Variants in TXLNG observed in about 807,000 individuals in gnomAD.
TXLNG encodes the protein gamma-taxilin.
A neutral mutation model predicts 38.8 loss-of-function variants in TXLNG; 5 were observed. That is an observed-to-expected ratio of 0.13 (90% CI 0.07 to 0.27). TXLNG has a LOEUF of 0.27. TXLNG is among the 10% of genes least tolerant of loss of function. TXLNG has a pLI of 1.00. For synonymous variants in TXLNG, 182 were observed against 158.2 expected, an observed-to-expected ratio of 1.15 and a Z score of -1.13; for missense variants, 393 against 398.2, an observed-to-expected ratio of 0.99 and a Z score of 0.11.
At position 16,844,085 on chromosome X, in the gene TXLNG, T is replaced by A. The variant is rs1016405211; in HGVS notation, c.*2319T>A. ...TTGTTGCACCATCATGGAATCGTGA[T>A]GTGTATTATTTATATTGGCGGTGGA... On this transcript the variant is annotated 3_prime_UTR_variant, in exon 10 of 10. Coordinates refer to ENST00000380122, the MANE Select transcript of TXLNG (RefSeq NM_018360.3). 4.5e-5 allele frequency: 5 copies of A among 111,147 alleles called. No individual in the cohort carries two copies. Among genetic ancestry groups the A allele is most frequent in the African/African-American group, 1.7e-4 (5 of 29,899 alleles). The allele number at this position is 111,147 out of a possible 1,213,427, so 9.2% of individuals were successfully genotyped here. A position where few individuals can be genotyped will look rare whatever the true frequency, so the allele number is the denominator to read the frequency against.
At chrX:16,826,343 C>T (rs777672169) in intron 3 of TXLNG, among the ~76,000 whole-genome samples, 13 of 111,959 alleles carry the variant, frequency 1.2e-4, no homozygotes, top group African/African-American at 3.6e-4. Flanking sequence ...TGTAAGGATG[C>T]GTGATATGTT....
chrX:16,822,984 T>C (rs939478928), intron 3 of TXLNG, among the ~76,000 whole-genome samples: 1 of 111,524 alleles, frequency 9.0e-6, no homozygotes, highest in South Asian at 3.8e-4. Context: ...ATTGTTTTGA[T>C]TGTGGATAAG....
chrX:16,808,426 A>T (rs1928402336), intron 1 of TXLNG, among the ~76,000 whole-genome samples: 1 of 111,893 alleles, frequency 8.9e-6, no homozygotes, highest in South Asian at 3.6e-4. Context: ...AAGGCACTAT[A>T]TTAGAGCTCT....
chrX:16,824,320 G>T (rs1470883590), intron 3 of TXLNG, among the ~76,000 whole-genome samples: 1 of 110,443 alleles, frequency 9.1e-6, no homozygotes, highest in Non-Finnish European at 1.9e-5. Flanking sequence ...ACCCAGCCTG[G>T]GCGACAGTGC....
intron 5 of TXLNG, among the ~76,000 whole-genome samples, chrX:16,832,217 A>G (rs1929436740): frequency 8.9e-6 from 1 of 112,167 alleles, no homozygotes; most frequent in Non-Finnish European, 1.9e-5. Flanking sequence ...GGAATTTGGG[A>G]AAATATGGGG....
At position 16,787,865 on chromosome X, in the gene TXLNG, A is replaced by G. The variant is rs1400691961; in HGVS notation, c.102+1276A>G. ...TTTTCTAATGCAATTCATAAACTTCAAATGGGAGAACAAAGGTCCAGTTTA... is the reference window on the plus strand; with the variant it reads ...TTTTCTAATGCAATTCATAAACTTCGAATGGGAGAACAAAGGTCCAGTTTA... On this transcript the variant is annotated intron_variant, in intron 1 of 9. Transcript: ENST00000380122. Among the ~76,000 whole-genome samples the G allele has an allele frequency of 5.3e-5, 6 of 112,588 alleles. No homozygotes were observed. The Admixed American group carries it at 5.7e-4, about 11-fold the overall frequency.
At chrX:16,786,716 T>G in intron 1 of TXLNG, 127 bp downstream of exon 1, 3 of 109,500 alleles carry the variant, frequency 2.7e-5, no homozygotes, top group Non-Finnish European at 4.5e-5. Context: ...TCTTCTTCCC[T>G]CCCGGGGGTG....
chrX:16,830,822 C>T (rs1209777361), intron 5 of TXLNG, among the ~76,000 whole-genome samples: 1 of 45,812 alleles, frequency 2.2e-5, no homozygotes, highest in African/African-American at 1.2e-4. Flanking sequence ...CAGATGAAAC[C>T]GTAATTCCGT....
chrX:16,802,949 A>G (rs1325402915), intron 1 of TXLNG, among the ~76,000 whole-genome samples: 1 of 108,094 alleles, frequency 9.3e-6, no homozygotes, highest in Non-Finnish European at 1.9e-5. Flanking sequence ...CCTCCCGAGT[A>G]GATGGGATTA....
Position 16,841,899 on chromosome X carries a change from C to A in TXLNG, c.*133C>A. The A allele has an allele frequency of 2.8e-6, 2 of 726,187 alleles. No individual in the cohort carries two copies. Among genetic ancestry groups the A allele is most frequent in the Non-Finnish European group, 4.0e-6 (2 of 498,486 alleles). The allele number at this position is 726,187 out of a possible 1,213,427, so 59.8% of individuals were successfully genotyped here. A position where few individuals can be genotyped will look rare whatever the true frequency, so the allele number is the denominator to read the frequency against. ...TCTGTATTTTCTTAGAACTACTGGA[C>A]TTATGTGGTACAGGAGGCTGCTTAG... On this transcript the variant is annotated 3_prime_UTR_variant, in exon 10 of 10. Coordinates refer to ENST00000380122, the MANE Select transcript of TXLNG (RefSeq NM_018360.3).
At position 16,818,672 on chromosome X, in the gene TXLNG, A is replaced by G. The variant is rs1369693439; in HGVS notation, c.201A>G (p.Gln67=). The part of the protein sequence containing the change: ...NSQSNDILQH[Q]GSNCGGTSNK... Reference sequence around the variant, plus strand: ...AATCAAATGATATTCTTCAACATCAAGGCTCAAATTGTGGTGGCACAAGTA... The same window carrying G: ...AATCAAATGATATTCTTCAACATCAGGGCTCAAATTGTGGTGGCACAAGTA... The change falls in exon 2 of 10, where the codon CAA becomes CAG. Residue 67 remains glutamine (Q), a synonymous_variant. Transcript: ENST00000380122. 2 of 1,210,543 alleles carry G rather than the reference A, an allele frequency of 1.7e-6. No homozygotes were observed. The highest frequency in any genetic ancestry group is 2.2e-6 in the Non-Finnish European group (2 of 895,430).
At chrX:16,787,195 A>G (rs1297660036) in intron 1 of TXLNG, among the ~76,000 whole-genome samples, 1 of 111,682 alleles carries the variant, frequency 9.0e-6, no homozygotes, top group East Asian at 2.9e-4. Context: ...TGAGTGTCGC[A>G]GGGCCGGTGC....
chrX:16,839,808 A>AT lies in TXLNG; in HGVS notation c.1153-11dup, dbSNP rs1929726678. ...AGGGAACTTAGAATTTAAATGTGCA[A>AT]TTGTATTCACAGATGACAAAGAAAA... On this transcript the variant is annotated splice_polypyrimidine_tract_variant and intron_variant, in intron 8 of 9. Coordinates refer to ENST00000380122, the MANE Select transcript of TXLNG (RefSeq NM_018360.3). The AT allele has an allele frequency of 8.8e-7, 1 of 1,132,352 alleles. No individual in the cohort carries two copies. The highest frequency in any genetic ancestry group is 3.0e-5 in the East Asian group (1 of 33,178). The allele number at this position is 1,132,352 out of a possible 1,213,427, so 93.3% of individuals were successfully genotyped here.
At chrX:16,834,957 G>A (rs980974405) in intron 7 of TXLNG, among the ~76,000 whole-genome samples, 26 of 109,507 alleles carry the variant, frequency 2.4e-4, no homozygotes, top group Admixed American at 2.0e-4. Context: ...AGGATCGCTT[G>A]TGCTGGTGTT....
intron 1 of TXLNG, among the ~76,000 whole-genome samples, chrX:16,807,578 C>T (rs991047054): frequency 3.6e-5 from 4 of 111,547 alleles, no homozygotes; most frequent in African/African-American, 1.3e-4. Flanking sequence ...TAAATGGGGT[C>T]ACTTTGAGAA....
At chrX:16,812,013 T>C (rs1046569845) in intron 1 of TXLNG, among the ~76,000 whole-genome samples, 8 of 108,521 alleles carry the variant, frequency 7.4e-5, no homozygotes, top group African/African-American at 2.3e-4. Flanking sequence ...TTCTTTCTTT[T>C]TTTTTTTTGA....
chrX:16,808,609 A>G (rs1928406647), intron 1 of TXLNG, among the ~76,000 whole-genome samples: 1 of 111,442 alleles, frequency 9.0e-6, no homozygotes, highest in Non-Finnish European at 1.9e-5. Context: ...CTGCTCATAC[A>G]TTTATACCTC....
rs771992310 is a variant in TXLNG, at chrX:16,810,127, C to T, written c.103-8447C>T. On this transcript the variant is annotated intron_variant, in intron 1 of 9. Transcript: ENST00000380122. ...AAAATGGAGAAAATAATAGTGCCTA[C>T]CTAGTGGCATTGTTGTGAGGATTAA... Among the ~76,000 whole-genome samples, 4 of 111,842 alleles carry T rather than the reference C, an allele frequency of 3.6e-5. No individual in the cohort carries two copies. In the East Asian group the frequency reaches 1.1e-3, roughly 31 times the overall value.
intron 3 of TXLNG, among the ~76,000 whole-genome samples, chrX:16,827,427 T>C: frequency 9.0e-6 from 1 of 111,375 alleles, no homozygotes; most frequent in Non-Finnish European, 1.9e-5. Context: ...GCTGGTTTAT[T>C]TTCCAAAGGG....
Sources: allele counts gnomAD v4.1 joint callset (sites outside exome capture counted in the v4.1 genomes callset), GRCh38; gene constraint gnomAD v4.1.1; transcripts MANE v1.5; gene names NCBI Gene and HGNC (gene_info 2026-07-23, HGNC 2026-07-21).